Variants in SLAIN2 observed in about 807,000 individuals in gnomAD.
SLAIN2 encodes SLAIN motif-containing protein 2.
Under a neutral mutation model 56.6 loss-of-function variants are expected in SLAIN2, and 31 were observed. The observed-to-expected ratio is 0.55, with a 90% confidence interval of 0.41 to 0.74. The LOEUF is 0.74. Among genes scored for constraint, SLAIN2 ranks in the 30% least tolerant of loss-of-function variants. The pLI is 0.00. For missense variants in SLAIN2, 777 were observed against 754.2 expected (o/e 1.03, Z -0.35); for synonymous variants, 317 against 284.9 (o/e 1.11, Z -1.13).
At chr4:48,377,380 T>A (rs1356410955) in intron 2 of SLAIN2, among the ~76,000 whole-genome samples, 5 of 147,058 alleles carry the variant, frequency 3.4e-5, no homozygotes, top group African/African-American at 5.1e-5. Context: ...GGTTTCACCA[T>A]GTTGGCCAAG....
At chr4:48,413,257 G>C (rs1363012864) in intron 6 of SLAIN2, among the ~76,000 whole-genome samples, 1 of 151,888 alleles carries the variant, frequency 6.6e-6, no homozygotes, top group Non-Finnish European at 1.5e-5. Flanking sequence ...GATAATGACA[G>C]TAGAGATGTT....
In SLAIN2 at chr4:48,386,107, A is replaced by AC. The variant is rs1359531149; in HGVS notation, c.1360+2323_1360+2324insC. Among the ~76,000 whole-genome samples, 180 of 147,130 alleles carry AC rather than the reference A, an allele frequency of 1.2e-3. 2 individuals carry two copies. The highest frequency in any genetic ancestry group is 2.8e-3 in the South Asian group (13 of 4,724). On this transcript the variant is annotated intron_variant, in intron 6 of 7. Transcript: ENST00000264313. ...TATTGAAAGAAAAAAAAAAAAAAAA[A>AC]AAGCTACGAAAAAACTATATTTGAA...
chr4:48,376,949 T>C (rs1315573687), intron 2 of SLAIN2, among the ~76,000 whole-genome samples: 2 of 147,010 alleles, frequency 1.4e-5, no homozygotes, highest in Non-Finnish European at 3.0e-5. Flanking sequence ...ATTTCCCATG[T>C]CTTGACCTTA....
intron 1 of SLAIN2, among the ~76,000 whole-genome samples, chr4:48,360,773 C>T (rs1715305893): frequency 6.6e-6 from 1 of 152,160 alleles, no homozygotes; most frequent in African/African-American, 2.4e-5. Context: ...CATTCCTTCT[C>T]TCCACCCCCT....
intron 1 of SLAIN2, among the ~76,000 whole-genome samples, chr4:48,364,363 C>T (rs1174126270): frequency 1.0e-4 from 9 of 85,750 alleles, no homozygotes; most frequent in Non-Finnish European, 1.0e-4. Flanking sequence ...GGGATGGCGG[C>T]CGGGTGGAGA....
At chr4:48,412,193 A>G (rs1716873951) in intron 6 of SLAIN2, among the ~76,000 whole-genome samples, 1 of 152,298 alleles carries the variant, frequency 6.6e-6, no homozygotes, top group African/African-American at 2.4e-5. Context: ...ACAGCTGTTT[A>G]TATATACTGT....
intron 5 of SLAIN2, 136 bp from the exon 6 acceptor site, chr4:48,383,511 G>T: frequency 1.3e-3 from 917 of 685,866 alleles, no homozygotes; most frequent in East Asian, 2.4e-3. Context: ...TTTTTAATAA[G>T]ACAAGTCCTT....
chr4:48,382,479 T>C, intron 4 of SLAIN2, 89 bp from the exon 5 acceptor site: 12 of 1,316,616 alleles, frequency 9.1e-6, no homozygotes, highest in Non-Finnish European at 1.2e-5. Flanking sequence ...CCTCTTTGAA[T>C]TTTTCAGTGA....
chr4:48,343,273 A>G (rs1714774886), intron 1 of SLAIN2, among the ~76,000 whole-genome samples: 1 of 152,170 alleles, frequency 6.6e-6, no homozygotes, highest in East Asian at 1.9e-4. Flanking sequence ...CTTGTATTTG[A>G]TGGAGAAAAT....
At chr4:48,418,117 T>G (rs1717046668) in intron 6 of SLAIN2, among the ~76,000 whole-genome samples, 1 of 151,606 alleles carries the variant, frequency 6.6e-6, no homozygotes, top group African/African-American at 2.4e-5. Flanking sequence ...CCTCCCTCCT[T>G]CCTCCTTCTT....
intron 6 of SLAIN2, among the ~76,000 whole-genome samples, chr4:48,405,723 CATTA>C (rs1716676578): frequency 6.6e-6 from 1 of 151,708 alleles, no homozygotes; most frequent in South Asian, 2.1e-4. Context: ...ATTCATAATT[CATTA>C]GTTATTACAG....
intron 7 of SLAIN2, among the ~76,000 whole-genome samples, chr4:48,421,483 A>G (rs1308630037): frequency 5.3e-5 from 8 of 152,182 alleles, no homozygotes; most frequent in South Asian, 2.1e-4. Context: ...TTTAATCTTC[A>G]TAATAATATT....
intron 6 of SLAIN2, among the ~76,000 whole-genome samples, chr4:48,415,584 T>C (rs1455279527): frequency 1.6e-4 from 13 of 79,166 alleles, no homozygotes; most frequent in Admixed American, 3.8e-4. Context: ...TTTGTCAATT[T>C]TGGCTTTTGT....
intron 2 of SLAIN2, among the ~76,000 whole-genome samples, chr4:48,375,306 T>A (rs1443979107): frequency 6.6e-6 from 1 of 152,164 alleles, no homozygotes; most frequent in Non-Finnish European, 1.5e-5. Flanking sequence ...TTGTTTTATC[T>A]TGCATCTTGT....
At chr4:48,414,729 C>T (rs1716955177) in intron 6 of SLAIN2, among the ~76,000 whole-genome samples, 1 of 104,856 alleles carries the variant, frequency 9.5e-6, no homozygotes, top group Non-Finnish European at 1.9e-5. Flanking sequence ...CCACCACAGT[C>T]CCCAGAGTGT....
At chr4:48,420,038 T>C in intron 6 of SLAIN2, 87 bp from the exon 7 acceptor site, 1 of 1,297,174 alleles carries the variant, frequency 7.7e-7, no homozygotes, top group East Asian at 2.4e-5. Flanking sequence ...CATGTACTAG[T>C]GCCCAATCAT....
At chr4:48,373,439 C>G (rs1243523876) in intron 2 of SLAIN2, among the ~76,000 whole-genome samples, 5 of 152,068 alleles carry the variant, frequency 3.3e-5, no homozygotes, top group Non-Finnish European at 7.4e-5. Context: ...TATATGGTGT[C>G]TAGTATCACC....
chr4:48,403,361 G>A (rs555472753), intron 6 of SLAIN2, among the ~76,000 whole-genome samples: 2 of 152,010 alleles, frequency 1.3e-5, no homozygotes, highest in East Asian at 3.9e-4. Context: ...TCCTCCAGGG[G>A]CTCCATCATC....
chr4:48,362,249 A>G (rs1477849454), intron 1 of SLAIN2, among the ~76,000 whole-genome samples: 4 of 152,042 alleles, frequency 2.6e-5, no homozygotes, highest in Non-Finnish European at 5.9e-5. Flanking sequence ...GTCTTTTACC[A>G]TTAAGTCTGT....
Sources: allele counts gnomAD v4.1 joint callset (sites outside exome capture counted in the v4.1 genomes callset), GRCh38; gene constraint gnomAD v4.1.1; transcripts MANE v1.5; gene names NCBI Gene and HGNC (gene_info 2026-07-23, HGNC 2026-07-21).